Variants in ZNF804B observed in about 807,000 individuals in gnomAD.
ZNF804B encodes zinc finger protein 804B, also known as zinc finger 804B.
Under a neutral mutation model 101.4 loss-of-function variants are expected in ZNF804B, and 80 were observed. The ratio of observed to expected loss-of-function variants is 0.79; its 90% CI spans 0.66 to 0.95. The LOEUF is 0.95. ZNF804B is among the 40% of genes least tolerant of loss of function. ZNF804B has a pLI of 0.00. For missense variants in ZNF804B, 1,673 were observed against 1,561.9 expected (o/e 1.07, Z -1.20); for synonymous variants, 622 against 558.8 (o/e 1.11, Z -1.59).
chr7:89,259,230 T>C (rs1241911734), intron 2 of ZNF804B, among the ~76,000 whole-genome samples: 4 of 152,194 alleles, frequency 2.6e-5, no homozygotes, highest in Non-Finnish European at 4.4e-5. Flanking sequence ...TGTTAATTCC[T>C]TTAGTGTGGT....
At chr7:89,134,800 T>G (rs547225857) in intron 1 of ZNF804B, among the ~76,000 whole-genome samples, 2 of 151,388 alleles carry the variant, frequency 1.3e-5, no homozygotes, top group East Asian at 1.9e-4. Context: ...GCTCTTAATT[T>G]TATGTATAAC....
chr7:88,822,313 C>T (rs923376100), intron 1 of ZNF804B, among the ~76,000 whole-genome samples: 1 of 152,298 alleles, frequency 6.6e-6, no homozygotes, highest in East Asian at 1.9e-4. Context: ...CGATTAACCT[C>T]ATGATAGTTT....
At chr7:89,262,735 G>T (rs555822148) in intron 2 of ZNF804B, among the ~76,000 whole-genome samples, 33 of 152,070 alleles carry the variant, frequency 2.2e-4, no homozygotes, top group African/African-American at 7.2e-4. Context: ...TATAATTAGA[G>T]TTTGCTTAGT....
At chr7:89,250,545 T>C (rs996067990) in intron 2 of ZNF804B, among the ~76,000 whole-genome samples, 4 of 152,148 alleles carry the variant, frequency 2.6e-5, no homozygotes, top group African/African-American at 4.8e-5. Context: ...TTCCTGAAAC[T>C]ATTCCAGAAA....
At chr7:88,824,956 A>G (rs539968700) in intron 1 of ZNF804B, among the ~76,000 whole-genome samples, 3 of 152,322 alleles carry the variant, frequency 2.0e-5, no homozygotes, top group South Asian at 2.1e-4. Flanking sequence ...ATGTATAGCT[A>G]TATCACTGAG....
chr7:89,005,766 C>G (rs923880148), intron 1 of ZNF804B, among the ~76,000 whole-genome samples: 2 of 152,068 alleles, frequency 1.3e-5, no homozygotes, highest in African/African-American at 2.4e-5. Flanking sequence ...TAATAAAATT[C>G]TCTTTCCTTC....
chr7:89,012,495 C>G (rs1470603732), intron 1 of ZNF804B, among the ~76,000 whole-genome samples: 2 of 152,172 alleles, frequency 1.3e-5, no homozygotes, highest in Non-Finnish European at 2.9e-5. Context: ...CCATCTCACT[C>G]AAGTTCAAAA....
chr7:89,285,640 G>A (rs1790184832), intron 2 of ZNF804B, among the ~76,000 whole-genome samples: 1 of 138,358 alleles, frequency 7.2e-6, no homozygotes, highest in Non-Finnish European at 1.5e-5. Flanking sequence ...TCAGACAAAA[G>A]TGCCCTATTT....
At chr7:89,289,335 C>T (rs1327431749) in intron 2 of ZNF804B, among the ~76,000 whole-genome samples, 1 of 151,888 alleles carries the variant, frequency 6.6e-6, no homozygotes, top group South Asian at 2.1e-4. Flanking sequence ...AATTCAACAA[C>T]TGTCTACGCA....
At chr7:89,008,909 C>T (rs1788411309) in intron 1 of ZNF804B, among the ~76,000 whole-genome samples, 1 of 152,064 alleles carries the variant, frequency 6.6e-6, no homozygotes, top group South Asian at 2.1e-4. Flanking sequence ...TCCTTGTTAC[C>T]CTTGAACATG....
At chr7:89,050,725 A>G (rs1223370250) in intron 1 of ZNF804B, among the ~76,000 whole-genome samples, 1 of 152,114 alleles carries the variant, frequency 6.6e-6, no homozygotes, top group Non-Finnish European at 1.5e-5. Context: ...TGCTTTTTCA[A>G]AACAGTTCAT....
chr7:89,256,011 A>G (rs2115800209), intron 2 of ZNF804B, among the ~76,000 whole-genome samples: 1 of 152,270 alleles, frequency 6.6e-6, no homozygotes. Context: ...CCTGATTGCA[A>G]AAAGTATTAA....
chr7:88,934,349 C>A (rs971098221), intron 1 of ZNF804B, among the ~76,000 whole-genome samples: 7 of 151,952 alleles, frequency 4.6e-5, no homozygotes, highest in East Asian at 1.9e-4. Flanking sequence ...GCAAAGGATT[C>A]ATTCCTAAGA....
At chr7:88,895,645 A>C (rs1792273514) in intron 1 of ZNF804B, among the ~76,000 whole-genome samples, 1 of 152,172 alleles carries the variant, frequency 6.6e-6, no homozygotes, top group South Asian at 2.1e-4. Flanking sequence ...AGGACAGGGT[A>C]TACACAAGAT....
rs1229406954 is a variant in ZNF804B at position 89,218,241 on chromosome 7, C to A, written c.195C>A (p.His65Gln). 6.2e-7 allele frequency: 1 copy of A among 1,613,752 alleles called. No homozygotes were observed. The highest frequency in any genetic ancestry group is 2.2e-5 in the East Asian group (1 of 44,840). ...GTGAATTATGTGACAAGCAGTATCA[C>A]AAACACCAGGAGTTTGACAATCATA... ...FYCELCDKQY[H>Q]KHQEFDNHIN... The change falls in exon 2 of 4, where the codon CAC becomes CAA. Residue 65 changes from histidine to glutamine, a missense_variant. His to Gln is a conservative substitution (Grantham distance 24). Coordinates refer to ENST00000333190, the MANE Select transcript of ZNF804B (RefSeq NM_181646.5).
At chr7:89,201,854 G>A (rs1225380413) in intron 1 of ZNF804B, among the ~76,000 whole-genome samples, 1 of 151,956 alleles carries the variant, frequency 6.6e-6, no homozygotes, top group Non-Finnish European at 1.5e-5. Flanking sequence ...TCAAATTCAA[G>A]CCTATTAATT....
At chr7:89,153,872 T>A (rs1176898618) in intron 1 of ZNF804B, among the ~76,000 whole-genome samples, 1 of 152,190 alleles carries the variant, frequency 6.6e-6, no homozygotes, top group African/African-American at 2.4e-5. Flanking sequence ...GCCTATTCTG[T>A]TATCTGTGAA....
At chr7:88,942,424 G>T (rs573297513) in intron 1 of ZNF804B, among the ~76,000 whole-genome samples, 1 of 151,772 alleles carries the variant, frequency 6.6e-6, no homozygotes, top group Non-Finnish European at 1.5e-5. Flanking sequence ...AATGAGGAGA[G>T]TGAATGAAAT....
intron 2 of ZNF804B, among the ~76,000 whole-genome samples, chr7:89,289,122 G>A (rs1038025731): frequency 3.3e-5 from 5 of 150,290 alleles, no homozygotes; most frequent in African/African-American, 7.4e-5. Context: ...AAAATGTAAC[G>A]ATAAAATGAT....
Sources: gnomAD v4.1 joint callset for allele counts (sites outside exome capture counted in the v4.1 genomes callset) on GRCh38, gnomAD v4.1.1 for gene constraint, MANE v1.5 for transcripts, NCBI Gene and HGNC (gene_info 2026-07-23, HGNC 2026-07-21) for gene names.